Variants in AKAP19 observed in about 807,000 individuals in gnomAD.
AKAP19 encodes A-kinase anchoring protein 19.
At chr2:190,059,724 C>T in the AKAP19 span, among the ~76,000 whole-genome samples, 1 of 151,828 alleles carries the variant, frequency 6.6e-6, no homozygotes, top group African/African-American at 2.4e-5. Context: ...GTAAAATCCA[C>T]TATATAGAGT....
chr2:189,999,351 G>T, the AKAP19 span, among the ~76,000 whole-genome samples: 1 of 152,144 alleles, frequency 6.6e-6, no homozygotes, highest in Non-Finnish European at 1.5e-5. Flanking sequence ...TTATTTTGAA[G>T]TGGGTTGTTT....
the AKAP19 span, among the ~76,000 whole-genome samples, chr2:190,194,203 A>C: frequency 1.3e-5 from 2 of 152,162 alleles, no homozygotes; most frequent in Non-Finnish European, 2.9e-5. Flanking sequence ...GCACTTGATA[A>C]GAATATGTAA....
chr2:189,904,650 TA>T, the AKAP19 span, among the ~76,000 whole-genome samples: 6 of 152,024 alleles, frequency 3.9e-5, no homozygotes, highest in African/African-American at 1.4e-4. Context: ...TCCAAATTTT[TA>T]TGCAGTTATT....
At chr2:190,151,178 G>A in the AKAP19 span, among the ~76,000 whole-genome samples, 1 of 152,040 alleles carries the variant, frequency 6.6e-6, no homozygotes, top group Non-Finnish European at 1.5e-5. Flanking sequence ...TGGTTGATTT[G>A]TGTTTACATT....
the AKAP19 span, among the ~76,000 whole-genome samples, chr2:190,087,129 A>T: frequency 9.8e-5 from 15 of 152,352 alleles, no homozygotes; most frequent in African/African-American, 3.6e-4. Flanking sequence ...AGCATTATAT[A>T]TTAGTTGCTG....
At chr2:189,944,859 A>G in the AKAP19 span, among the ~76,000 whole-genome samples, 1 of 152,212 alleles carries the variant, frequency 6.6e-6, no homozygotes, top group Non-Finnish European at 1.5e-5. Flanking sequence ...AAACAATCTC[A>G]ACAAATTCAA....
the AKAP19 span, among the ~76,000 whole-genome samples, chr2:190,115,039 G>C: frequency 6.7e-6 from 1 of 150,020 alleles, no homozygotes; most frequent in Non-Finnish European, 1.5e-5. Context: ...TTATTCCTTA[G>C]CATAATCTAC....
At chr2:190,064,999 C>T in the AKAP19 span, among the ~76,000 whole-genome samples, 3 of 152,064 alleles carry the variant, frequency 2.0e-5, no homozygotes, top group East Asian at 1.9e-4. Context: ...ATTCACAGAG[C>T]GGCAAAAAAT....
chr2:190,083,707 G>T, the AKAP19 span, among the ~76,000 whole-genome samples: 1 of 152,140 alleles, frequency 6.6e-6, no homozygotes, highest in Non-Finnish European at 1.5e-5. Context: ...ACAGCTATTT[G>T]CAGCGACAGT....
the AKAP19 span, among the ~76,000 whole-genome samples, chr2:190,184,402 T>C: frequency 6.6e-6 from 1 of 152,230 alleles, no homozygotes; most frequent in Admixed American, 6.5e-5. Flanking sequence ...TTTCACTGTG[T>C]TCTTCCCAAC....
the AKAP19 span, among the ~76,000 whole-genome samples, chr2:190,055,237 C>T: frequency 0.069 from 10,361 of 150,150 alleles, 827 homozygotes; most frequent in African/African-American, 0.2. Context: ...GACAAAAAAA[C>T]CAAACACCAC....
the AKAP19 span, among the ~76,000 whole-genome samples, chr2:190,166,104 C>A: frequency 6.6e-6 from 1 of 151,898 alleles, no homozygotes; most frequent in Non-Finnish European, 1.5e-5. Flanking sequence ...AGAAGAAGCA[C>A]TGGTGAACAA....
the AKAP19 span, among the ~76,000 whole-genome samples, chr2:189,924,638 G>A: frequency 7.9e-5 from 12 of 152,244 alleles, no homozygotes; most frequent in East Asian, 2.1e-3. Context: ...AAGCAGCTTT[G>A]AGTTAGAAGT....
chr2:189,942,416 C>G, the AKAP19 span, among the ~76,000 whole-genome samples: 4 of 152,132 alleles, frequency 2.6e-5, no homozygotes, highest in Non-Finnish European at 5.9e-5. Context: ...GAACCATCAG[C>G]CAATTAAATC....
chr2:190,009,327 C>A, the AKAP19 span, among the ~76,000 whole-genome samples: 1 of 152,042 alleles, frequency 6.6e-6, no homozygotes, highest in South Asian at 2.1e-4. Context: ...TTGTTAGGGG[C>A]ATTTAGGATA....
At chr2:190,144,018 T>G in the AKAP19 span, among the ~76,000 whole-genome samples, 2 of 72,902 alleles carry the variant, frequency 2.7e-5, no homozygotes, top group African/African-American at 5.0e-5. Flanking sequence ...CTGGGGACTG[T>G]GGTGGGGTGG....
the AKAP19 span, among the ~76,000 whole-genome samples, chr2:190,126,728 A>G: frequency 2.0e-5 from 3 of 152,156 alleles, no homozygotes; most frequent in Non-Finnish European, 4.4e-5. Flanking sequence ...GACCCACAAA[A>G]TTACAGATTT....
At chr2:189,930,545 G>A in the AKAP19 span, 4 of 213,144 alleles carry the variant, frequency 1.9e-5, no homozygotes, top group South Asian at 1.6e-4. Flanking sequence ...GCGTGGTGGC[G>A]CGCCCCTGTA....
At chr2:189,991,747 G>T in the AKAP19 span, among the ~76,000 whole-genome samples, 1 of 152,054 alleles carries the variant, frequency 6.6e-6, no homozygotes, top group East Asian at 1.9e-4. Flanking sequence ...TTGCTTTCGG[G>T]TTCTTGGTCA....
Sources: gnomAD v4.1 joint callset for allele counts (sites outside exome capture counted in the v4.1 genomes callset) on GRCh38, gnomAD v4.1.1 for gene constraint, MANE v1.5 for transcripts, NCBI Gene and HGNC (gene_info 2026-07-23, HGNC 2026-07-21) for gene names.